The following ERCC1 variants were observed in gnomAD, a reference collection of about 807,000 sequenced individuals.
ERCC1 encodes DNA excision repair protein ERCC-1.
A neutral mutation model predicts 37.6 loss-of-function variants in ERCC1; 36 were observed. The ratio of observed to expected loss-of-function variants is 0.96; its 90% CI spans 0.73 to 1.26. The LOEUF is 1.26. ERCC1 is among the 50% of genes most tolerant of loss of function. The probability of loss-of-function intolerance (pLI) is 0.00; values close to 1 mark genes in which losing one functional copy is unlikely to be tolerated. For synonymous variants in ERCC1, 156 were observed against 162.1 expected (o/e 0.96, Z 0.28); for missense variants, 349 against 376.5 (o/e 0.93, Z 0.60).
chr19:45,449,926 TGCAC>T (rs755453625), intron 1 of ERCC1, among the ~76,000 whole-genome samples: 97 of 152,262 alleles, frequency 6.4e-4, no homozygotes, highest in Non-Finnish European at 1.0e-3. Flanking sequence ...ATCATGCCAT[TGCAC>T]TCCAGCCTGG....
chr19:45,434,155 C>CAAAA (rs138387403), intron 1 of ERCC1, among the ~76,000 whole-genome samples: 6 of 97,412 alleles, frequency 6.2e-5, no homozygotes, highest in Non-Finnish European at 8.5e-5. Context: ...CACACACACA[C>CAAAA]AAAAAAAAAA....
intron 7 of ERCC1, chr19:45,414,256 AC>A (rs1973913858): frequency 6.8e-6 from 4 of 589,554 alleles, no homozygotes; most frequent in Non-Finnish European, 1.2e-5. Context: ...CGGGAGGATC[AC>A]CTGAGGCCAG....
upstream of ERCC1, among the ~76,000 whole-genome samples, chr19:45,428,318 C>T (rs1974752474): frequency 6.6e-6 from 1 of 151,708 alleles, no homozygotes. Context: ...AGGCTGGTCT[C>T]GAACTCCTGG....
upstream of ERCC1, among the ~76,000 whole-genome samples, chr19:45,426,999 T>C (rs1341495841): frequency 6.9e-6 from 1 of 144,586 alleles, no homozygotes; most frequent in African/African-American, 2.6e-5. Context: ...TGTGTTGGTG[T>C]GCACCTGTAG....
Position 45,408,251 on chromosome 19 carries a change from C to T in ERCC1, c.*1424G>A. The stretch of plus-strand genomic sequence containing the variant: ...TCCCCAAGCTGGAGAAGCGACCCTG[C>T]TGGCCCCCTCAACGGAGGCAGGAGG... On this transcript the variant is annotated 3_prime_UTR_variant, in exon 10 of 10. Coordinates refer to ENST00000300853, the MANE Select transcript of ERCC1 (RefSeq NM_001983.4). 1.2e-6 allele frequency: 2 copies of T among 1,614,126 alleles called. No homozygotes were observed. Among genetic ancestry groups the T allele is most frequent in the Non-Finnish European group, 1.7e-6 (2 of 1,180,014 alleles).
Position 45,420,348 on chromosome 19 carries a change from T to C in ERCC1, c.401A>G (p.Gln134Arg). Residue 134 changes from glutamine (Q) to arginine (R), a missense_variant, in exon 4 of 10, where the codon CAG (glutamine) becomes CGG (arginine). Transcript: ENST00000300853. The surrounding 1 kb of genome is among the most constrained non-coding windows in gnomAD (Gnocchi z 4.8). ...CCTGAGGAACAGGGCACAGGTGCTC[T>C]GGCCCAGCACATAGTCGGGAATTAC... ...GDVIPDYVLG[Q>R]STCALFLSLR... 2 of 1,613,308 alleles carry C rather than the reference T, an allele frequency of 1.2e-6. No individual in the cohort carries two copies. The highest frequency in any genetic ancestry group is 1.3e-5 in the African/African-American group (1 of 75,030).
chr19:45,421,156 A>G (rs1353193914), intron 3 of ERCC1, 22 bp downstream of exon 3: 2 of 1,609,326 alleles, frequency 1.2e-6, no homozygotes, highest in Non-Finnish European at 1.7e-6. Context: ...TCAAGGCCTC[A>G]CTTCTCCGTC....
At chr19:45,419,244 G>T in intron 4 of ERCC1, 47 bp from the exon 5 acceptor site, 1 of 1,312,286 alleles carries the variant, frequency 7.6e-7, no homozygotes, top group South Asian at 1.3e-5. Flanking sequence ...GTCTCTTCAA[G>T]ACCCCCAAAG....
Position 45,408,396 on chromosome 19 carries a change from C to T in ERCC1, c.*1279G>A. On this transcript the variant is annotated 3_prime_UTR_variant, in exon 10 of 10. Transcript: ENST00000300853. ...GCAAGTCCCCCACCACAGATCCCTC[C>T]TGGCCTGAGGCCTCGGTTCTGTGCC... 1 of 1,613,168 alleles carries T rather than the reference C, an allele frequency of 6.2e-7. No individual in the cohort carries two copies. The highest frequency in any genetic ancestry group is 1.1e-5 in the South Asian group (1 of 91,016).
At chr19:45,437,591 TA>T (rs1224504095) in intron 1 of ERCC1, among the ~76,000 whole-genome samples, 1 of 152,110 alleles carries the variant, frequency 6.6e-6, no homozygotes, top group Non-Finnish European at 1.5e-5. Flanking sequence ...CTAAGTGAAA[TA>T]AACCAGACAC....
chr19:45,421,257 T>C lies in ERCC1; in HGVS notation c.242A>G (p.Glu81Gly). 6.2e-7 allele frequency: 1 copy of C among 1,614,186 alleles called. No homozygotes were observed. Among genetic ancestry groups the C allele is most frequent in the South Asian group, 1.1e-5 (1 of 91,082 alleles). ...GTTGGGCGTCTCTCCTGCCAGGGGC[T>C]CTGACCCTGTGGGGCACGTGGCCCC... ...GAGATCPTGS[E>G]PLAGETPNQA... Residue 81 changes from glutamate to glycine, a missense_variant, in exon 3 of 10, where the codon GAG (glutamate) becomes GGG (glycine). By Grantham distance (98) the Glu-to-Gly change is moderately conservative. Transcript: ENST00000300853.
chr19:45,429,696 C>A (rs1231849668), intron 1 of ERCC1, among the ~76,000 whole-genome samples: 5 of 152,132 alleles, frequency 3.3e-5, no homozygotes, highest in African/African-American at 7.2e-5. Flanking sequence ...TGTTCCCATT[C>A]CCTAGAATGT....
At chr19:45,445,614 T>C (rs1312670304) in intron 1 of ERCC1, among the ~76,000 whole-genome samples, 1 of 152,058 alleles carries the variant, frequency 6.6e-6, no homozygotes, top group Non-Finnish European at 1.5e-5. Context: ...AGAAGTTGGT[T>C]TGGGAGAAGC....
intron 7 of ERCC1, 103 bp from the exon 8 acceptor site, chr19:45,414,137 CGTGCAGGAAGCACTCAAT>C (rs1973906679): frequency 1.1e-6 from 1 of 895,236 alleles, no homozygotes; most frequent in Non-Finnish European, 1.8e-6. Context: ...GACTGCCTGG[CGTGCAGGAAGCACTCAAT>C]AAACGCTTTT....
intron 1 of ERCC1, among the ~76,000 whole-genome samples, chr19:45,450,392 C>T (rs1213112623): frequency 6.6e-6 from 1 of 152,210 alleles, no homozygotes; most frequent in Non-Finnish European, 1.5e-5. Flanking sequence ...GGGAAGGAAC[C>T]CTCTTCTTTC....
At chr19:45,432,849 G>A (rs769546396) in intron 1 of ERCC1, among the ~76,000 whole-genome samples, 11 of 151,174 alleles carry the variant, frequency 7.3e-5, no homozygotes, top group Non-Finnish European at 1.3e-4. Context: ...GGCGGATCAC[G>A]TGAGGTTGGG....
intron 1 of ERCC1, among the ~76,000 whole-genome samples, chr19:45,444,310 C>T (rs1429302854): frequency 1.3e-5 from 2 of 149,114 alleles, no homozygotes; most frequent in African/African-American, 2.5e-5. Flanking sequence ...CCCGGAGCCC[C>T]TCCCCGCCCC....
chr19:45,423,209 C>G, intron 2 of ERCC1, 61 bp downstream of exon 2: 1 of 1,518,338 alleles, frequency 6.6e-7, no homozygotes, highest in South Asian at 1.2e-5. Flanking sequence ...CAGGCCCCAT[C>G]CTATCCTCTT....
chr19:45,437,643 C>T (rs1975014940), intron 1 of ERCC1, among the ~76,000 whole-genome samples: 1 of 152,254 alleles, frequency 6.6e-6, no homozygotes, highest in South Asian at 2.1e-4. Flanking sequence ...TATATGGAAT[C>T]TTAAAAAGTC....
Sources: allele counts gnomAD v4.1 joint callset (sites outside exome capture counted in the v4.1 genomes callset), GRCh38; gene constraint gnomAD v4.1.1; non-coding constraint Gnocchi (gnomAD v3.1); transcripts MANE v1.5; gene names NCBI Gene and HGNC (gene_info 2026-07-23, HGNC 2026-07-21).